The following AVEN variants were observed in gnomAD, a reference collection of about 807,000 sequenced individuals.
AVEN encodes the protein cell death regulator Aven.
AVEN carries 41 observed loss-of-function variants against 38.1 expected under a neutral mutation model. The ratio of observed to expected loss-of-function variants is 1.08; its 90% CI spans 0.84 to 1.40. AVEN has a LOEUF of 1.40. Ranked by LOEUF, AVEN falls within the 40% of genes most tolerant of loss-of-function variation. The probability of loss-of-function intolerance (pLI) is 0.00; values close to 1 mark genes in which losing one functional copy is unlikely to be tolerated. For missense variants in AVEN, 605 were observed against 438.8 expected (o/e 1.38, Z -3.38); for synonymous variants, 206 against 171.8 (o/e 1.20, Z -1.56).
intron 2 of AVEN, among the ~76,000 whole-genome samples, chr15:33,981,774 T>G (rs1349077430): frequency 2.6e-5 from 4 of 152,226 alleles, no homozygotes; most frequent in Non-Finnish European, 5.9e-5. Context: ...AAGGGCTATT[T>G]TGAATTTAAA....
chr15:33,948,030 G>C (rs1894572139), intron 2 of AVEN, among the ~76,000 whole-genome samples: 1 of 151,932 alleles, frequency 6.6e-6, no homozygotes. Flanking sequence ...ATCTTCATCT[G>C]AGACCACATG....
intron 2 of AVEN, among the ~76,000 whole-genome samples, chr15:33,932,196 T>C (rs946889879): frequency 3.3e-5 from 5 of 152,198 alleles, no homozygotes; most frequent in African/African-American, 9.7e-5. Flanking sequence ...CTGAAAACCT[T>C]TGGTCTTTTT....
At chr15:33,952,782 T>C (rs1407916783) in intron 2 of AVEN, among the ~76,000 whole-genome samples, 1 of 150,510 alleles carries the variant, frequency 6.6e-6, no homozygotes, top group Non-Finnish European at 1.5e-5. Flanking sequence ...AATAGGGCAC[T>C]ATACGAAGAC....
chr15:33,984,084 T>A (rs556535474), intron 2 of AVEN, among the ~76,000 whole-genome samples: 1 of 151,996 alleles, frequency 6.6e-6, no homozygotes, highest in Non-Finnish European at 1.5e-5. Flanking sequence ...GTATCCTGAG[T>A]TAGAAGAGAA....
Position 33,867,635 on chromosome 15 carries a change from G to C in AVEN, c.833C>G (p.Ala278Gly). The C allele has an allele frequency of 6.2e-7, 1 of 1,614,168 alleles. No homozygotes were observed. Among genetic ancestry groups the C allele is most frequent in the Non-Finnish European group, 8.5e-7 (1 of 1,180,034 alleles). The change falls in exon 5 of 6, where the codon GCA becomes GGA. Residue 278 changes from alanine (A) to glycine (G), a missense_variant. Physicochemically the swap from Ala to Gly is moderately conservative, Grantham distance 60. Coordinates refer to ENST00000306730, the MANE Select transcript of AVEN (RefSeq NM_020371.3). ...SQKPTSPLQSAGDHLEEELDL... is the reference protein window; with the variant it reads ...SQKPTSPLQSGGDHLEEELDL... ...TAGTTCTTCTTCCAAATGGTCTCCT[G>C]CTGACTGCAGTGGGGAAGTGGGTTT...
chr15:33,958,661 C>T (rs138732684), intron 2 of AVEN, among the ~76,000 whole-genome samples: 2 of 152,042 alleles, frequency 1.3e-5, no homozygotes, highest in African/African-American at 2.4e-5. Flanking sequence ...CAGCCAATCA[C>T]ATCTGCTAAA....
At chr15:34,032,208 C>T (rs1465887615) in intron 1 of AVEN, among the ~76,000 whole-genome samples, 1 of 152,106 alleles carries the variant, frequency 6.6e-6, no homozygotes, top group Non-Finnish European at 1.5e-5. Context: ...GAATAGAAAA[C>T]ACCTTTGCAA....
At chr15:33,854,330 T>C (rs904399547), downstream of AVEN, 26 of 1,408,476 alleles carry the variant, frequency 1.8e-5, no homozygotes, top group Non-Finnish European at 2.4e-5. Context: ...TTCCCCCTTA[T>C]TGAGCACTTA....
At chr15:33,931,630 A>AG (rs1433187262) in intron 2 of AVEN, among the ~76,000 whole-genome samples, 4 of 151,304 alleles carry the variant, frequency 2.6e-5, no homozygotes, top group Non-Finnish European at 5.9e-5. Flanking sequence ...TCGGCCTCCC[A>AG]AGTGCTGGGA....
At chr15:33,943,056 C>T (rs1442781119) in intron 2 of AVEN, among the ~76,000 whole-genome samples, 2 of 152,192 alleles carry the variant, frequency 1.3e-5, no homozygotes. Context: ...TAAGGAAGTT[C>T]CTCAAGAAAT....
At chr15:34,023,138 G>A (rs1014840163) in intron 1 of AVEN, among the ~76,000 whole-genome samples, 3 of 151,962 alleles carry the variant, frequency 2.0e-5, no homozygotes, top group Non-Finnish European at 2.9e-5. Flanking sequence ...CTGAGATCGC[G>A]CCACTGCGCT....
downstream of AVEN, chr15:33,858,124 CCA>C: frequency 1.6e-6 from 1 of 638,416 alleles, no homozygotes; most frequent in Non-Finnish European, 2.6e-6. Context: ...GTTTTCATTA[CCA>C]CACATCTAAG....
At chr15:33,878,121 C>T (rs929834490) in intron 2 of AVEN, among the ~76,000 whole-genome samples, 1 of 152,038 alleles carries the variant, frequency 6.6e-6, no homozygotes, top group Non-Finnish European at 1.5e-5. Context: ...TATCAAGATA[C>T]CAATTTCACC....
rs1890502692 is a variant in AVEN at position 33,866,416 on chromosome 15, A to G, written c.*197T>C. Reference sequence around the variant, plus strand: ...GAAATCTATTAGATTACTAAGCCAGAAAAACAAATGCAACAAGCTGCTTCA... The same window carrying G: ...GAAATCTATTAGATTACTAAGCCAGGAAAACAAATGCAACAAGCTGCTTCA... On this transcript the variant is annotated 3_prime_UTR_variant, in exon 6 of 6. Transcript: ENST00000306730. The G allele has an allele frequency of 6.8e-6, 4 of 585,284 alleles. No homozygotes were observed. Among genetic ancestry groups the G allele is most frequent in the South Asian group, 6.6e-5 (3 of 45,490 alleles). 36.3% of individuals were successfully genotyped at this position (585,284 alleles called of 1,614,324 possible).
chr15:33,862,117 C>T (rs1303785629), downstream of AVEN, among the ~76,000 whole-genome samples: 4 of 152,058 alleles, frequency 2.6e-5, no homozygotes, highest in Non-Finnish European at 4.4e-5. Flanking sequence ...AACTCAGACC[C>T]TGTAACTGTT....
intron 4 of AVEN, 65 bp downstream of exon 4, chr15:33,870,870 G>C: frequency 1.7e-6 from 2 of 1,151,374 alleles, no homozygotes; most frequent in Non-Finnish European, 2.5e-6. Flanking sequence ...GCTGAGGGAA[G>C]TGTTCCCCTC....
chr15:33,952,461 G>C (rs1362310234), intron 2 of AVEN, among the ~76,000 whole-genome samples: 1 of 152,146 alleles, frequency 6.6e-6, no homozygotes, highest in Non-Finnish European at 1.5e-5. Context: ...CTCATCCACT[G>C]TAATTTCAGT....
intron 2 of AVEN, among the ~76,000 whole-genome samples, chr15:33,942,507 G>A (rs984261904): frequency 8.6e-5 from 13 of 151,826 alleles, no homozygotes; most frequent in African/African-American, 3.1e-4. Flanking sequence ...CTGGAGTGCA[G>A]TGGTGCGATC....
downstream of AVEN, among the ~76,000 whole-genome samples, chr15:33,855,435 C>A (rs1371016086): frequency 6.6e-6 from 1 of 152,324 alleles, no homozygotes. Context: ...AACGCCTGAT[C>A]TCAGGTGATC....
Sources: allele counts gnomAD v4.1 joint callset (sites outside exome capture counted in the v4.1 genomes callset), GRCh38; gene constraint gnomAD v4.1.1; transcripts MANE v1.5; gene names NCBI Gene and HGNC (gene_info 2026-07-23, HGNC 2026-07-21).